Variants in PRKCA observed in about 807,000 individuals in gnomAD.
PRKCA encodes the protein protein kinase C alpha.
PRKCA carries 27 observed loss-of-function variants against 87.0 expected under a neutral mutation model. The observed-to-expected ratio is 0.31, with a 90% CI of 0.23 to 0.43. PRKCA has a LOEUF of 0.43. PRKCA is among the 20% of genes least tolerant of loss of function. The probability of loss-of-function intolerance (pLI) is 1.00; values close to 1 mark genes in which losing one functional copy is unlikely to be tolerated. For missense variants in PRKCA, 518 were observed against 852.3 expected, an observed-to-expected ratio of 0.61 and a Z score of 4.88; for synonymous variants, 329 against 311.1, an observed-to-expected ratio of 1.06 and a Z score of -0.61.
At chr17:66,584,202 TTTTTGTTTGTTTGTTTTTGGC>T (rs1381143625) in intron 3 of PRKCA, among the ~76,000 whole-genome samples, 1 of 151,994 alleles carries the variant, frequency 6.6e-6, no homozygotes, top group Non-Finnish European at 1.5e-5. Flanking sequence ...ATTGTTTTGG[TTTTTGTTTGTTTGTTTTTGGC>T]TTTTGTTTTT....
chr17:66,549,463 T>C (rs1256449811), intron 3 of PRKCA, among the ~76,000 whole-genome samples: 1 of 152,184 alleles, frequency 6.6e-6, no homozygotes, highest in African/African-American at 2.4e-5. Flanking sequence ...CAGGCCTCTC[T>C]AAAGAGATTG....
At chr17:66,563,740 A>G (rs987065502) in intron 3 of PRKCA, among the ~76,000 whole-genome samples, 2 of 152,224 alleles carry the variant, frequency 1.3e-5, no homozygotes, top group African/African-American at 4.8e-5. Context: ...TCTAGGAGCC[A>G]TAGGCTCTGT....
chr17:66,603,508 G>C (rs993155191), intron 3 of PRKCA, among the ~76,000 whole-genome samples: 1 of 152,260 alleles, frequency 6.6e-6, no homozygotes, highest in Non-Finnish European at 1.5e-5. Context: ...GCGAGCACTC[G>C]GAGATGCTTC....
At position 66,805,584 on chromosome 17, in the gene PRKCA, T is replaced by C. The variant is rs1304851732; in HGVS notation, c.*1547T>C. 1.3e-5 allele frequency: 2 copies of C among 152,258 alleles called. No individual in the cohort carries two copies. Among genetic ancestry groups the C allele is most frequent in the Non-Finnish European group, 2.9e-5 (2 of 68,028 alleles). 9.4% of individuals were successfully genotyped at this position (152,258 alleles called of 1,614,324 possible). A position where few individuals can be genotyped will look rare whatever the true frequency, so the allele number is the denominator to read the frequency against. On this transcript the variant is annotated 3_prime_UTR_variant, in exon 17 of 17. Transcript: ENST00000413366. ...CTCTTACTACATATGTGTGTGTATA[T>C]ATATGTATTTGATTCTACCTGCAAA...
At chr17:66,593,431 T>C (rs1969876604) in intron 3 of PRKCA, among the ~76,000 whole-genome samples, 1 of 152,168 alleles carries the variant, frequency 6.6e-6, no homozygotes. Flanking sequence ...CCAAGACCCA[T>C]AAGCATCACA....
chr17:66,777,872 C>T, intron 14 of PRKCA: 1 of 985,372 alleles, frequency 1.0e-6, no homozygotes, highest in Non-Finnish European at 1.2e-6. Context: ...GGAAAGTCCT[C>T]CTCCCTCCCG....
intron 14 of PRKCA, among the ~76,000 whole-genome samples, chr17:66,781,363 G>A (rs1415553164): frequency 6.6e-6 from 1 of 152,184 alleles, no homozygotes; most frequent in Non-Finnish European, 1.5e-5. Context: ...AGCCTTTGCT[G>A]CAGCAAGACT....
chr17:66,508,723 C>G (rs527911691), intron 3 of PRKCA, among the ~76,000 whole-genome samples: 3 of 152,318 alleles, frequency 2.0e-5, no homozygotes, highest in South Asian at 2.1e-4. Flanking sequence ...TCTTTCCTCT[C>G]CATCTCCATA....
chr17:66,596,591 TTA>T (rs1491424007), intron 3 of PRKCA, among the ~76,000 whole-genome samples: 111 of 128,026 alleles, frequency 8.7e-4, no homozygotes, highest in South Asian at 1.9e-3. Flanking sequence ...TTTTTTTTTT[TTA>T]TTATACTCTA....
intron 3 of PRKCA, among the ~76,000 whole-genome samples, chr17:66,538,496 T>C (rs1252105866): frequency 1.3e-5 from 2 of 152,138 alleles, no homozygotes; most frequent in Admixed American, 1.3e-4. Context: ...TTGGGAACCC[T>C]AGGCCAGCAA....
At chr17:66,784,365 C>T (rs1001354228) in intron 14 of PRKCA, among the ~76,000 whole-genome samples, 1 of 152,218 alleles carries the variant, frequency 6.6e-6, no homozygotes, top group Non-Finnish European at 1.5e-5. Flanking sequence ...CGTGCCTCAG[C>T]CTCCCGAGGA....
intron 2 of PRKCA, among the ~76,000 whole-genome samples, chr17:66,339,413 A>C (rs567156620): frequency 1.3e-5 from 2 of 152,292 alleles, no homozygotes; most frequent in East Asian, 3.9e-4. Flanking sequence ...ACTTGGAATA[A>C]GATCCCTCTC....
intron 2 of PRKCA, among the ~76,000 whole-genome samples, chr17:66,439,475 C>T (rs550278378): frequency 1.5e-4 from 23 of 152,304 alleles, no homozygotes; most frequent in African/African-American, 3.6e-4. Flanking sequence ...CCATCGTGCC[C>T]GGCCTTTTAC....
intron 8 of PRKCA, among the ~76,000 whole-genome samples, chr17:66,704,241 T>G (rs1241334262): frequency 6.6e-6 from 1 of 152,170 alleles, no homozygotes; most frequent in East Asian, 1.9e-4. Context: ...CCACCACTAT[T>G]GATTTGGTTT....
At chr17:66,568,320 C>A (rs919425160) in intron 3 of PRKCA, among the ~76,000 whole-genome samples, 44 of 152,102 alleles carry the variant, frequency 2.9e-4, no homozygotes, top group Admixed American at 6.6e-4. Flanking sequence ...TCTCAAAAAA[C>A]CCCCAAAAAA....
At chr17:66,576,873 C>CTTT (rs66875614) in intron 3 of PRKCA, among the ~76,000 whole-genome samples, 1,493 of 138,262 alleles carry the variant, frequency 0.011, 47 homozygotes, top group African/African-American at 0.036. Context: ...TGGTGATGTA[C>CTTT]TTTTTTTTTT....
intron 3 of PRKCA, among the ~76,000 whole-genome samples, chr17:66,505,647 G>C (rs1916942352): frequency 6.6e-6 from 1 of 152,154 alleles, no homozygotes; most frequent in Non-Finnish European, 1.5e-5. Flanking sequence ...GTGGAACCCA[G>C]TCAGAATAAG....
intron 3 of PRKCA, among the ~76,000 whole-genome samples, chr17:66,546,623 A>G (rs1470643488): frequency 6.6e-6 from 1 of 152,180 alleles, no homozygotes; most frequent in African/African-American, 2.4e-5. Flanking sequence ...TCCTTATAAA[A>G]ATAGCAATCA....
At chr17:66,690,271 G>A (rs941070758) in intron 8 of PRKCA, among the ~76,000 whole-genome samples, 10 of 152,308 alleles carry the variant, frequency 6.6e-5, no homozygotes, top group African/African-American at 2.2e-4. Flanking sequence ...GAGCACAGAC[G>A]AGTGAAATGA....
Sources: allele counts gnomAD v4.1 joint callset (sites outside exome capture counted in the v4.1 genomes callset), GRCh38; gene constraint gnomAD v4.1.1; transcripts MANE v1.5; gene names NCBI Gene and HGNC (gene_info 2026-07-23, HGNC 2026-07-21).